The following RBMS1 variants were observed in gnomAD, a reference collection of about 807,000 sequenced individuals.
RBMS1 encodes the protein RNA binding motif single stranded interacting protein 1.
RBMS1 carries 17 observed loss-of-function variants against 62.3 expected under a neutral mutation model. The ratio of observed to expected loss-of-function variants is 0.27; its 90% CI spans 0.19 to 0.41. The LOEUF (loss-of-function observed/expected upper bound fraction) is 0.41, where lower values mean the gene tolerates loss of function less well. Among genes scored for constraint, RBMS1 ranks in the 10% least tolerant of loss-of-function variants. The pLI, the probability that RBMS1 is intolerant of heterozygous loss-of-function variation, is 1.00. For synonymous variants in RBMS1, 172 were observed against 170.0 expected (o/e 1.01, Z -0.09); for missense variants, 334 against 504.5 (o/e 0.66, Z 3.24).
intron 1 of RBMS1, among the ~76,000 whole-genome samples, chr2:160,476,429 C>A (rs1336814044): frequency 6.6e-6 from 1 of 152,008 alleles, no homozygotes; most frequent in Non-Finnish European, 1.5e-5. Flanking sequence ...TCTGTCTGTG[C>A]CTCATATTCC....
At chr2:160,303,676 C>T (rs1689334871) in intron 4 of RBMS1, among the ~76,000 whole-genome samples, 189 bp from the exon 5 acceptor site, 1 of 152,200 alleles carries the variant, frequency 6.6e-6, no homozygotes, top group Admixed American at 6.5e-5. Flanking sequence ...GCAGGCCAGA[C>T]ACGATCCCAC....
intron 1 of RBMS1, among the ~76,000 whole-genome samples, chr2:160,461,819 GGA>G (rs986667751): frequency 4.6e-5 from 7 of 152,236 alleles, no homozygotes; most frequent in Admixed American, 3.3e-4. Flanking sequence ...ATCATAGCAA[GGA>G]GAGAGAGTTT....
intron 1 of RBMS1, among the ~76,000 whole-genome samples, chr2:160,486,338 T>C (rs1400821605): frequency 1.3e-5 from 2 of 152,158 alleles, no homozygotes; most frequent in Non-Finnish European, 2.9e-5. Context: ...CTATGATGTA[T>C]CCATCCAATT....
At chr2:160,281,166 G>A in intron 10 of RBMS1, 148 bp downstream of exon 10, 1 of 482,834 alleles carries the variant, frequency 2.1e-6, no homozygotes, top group Non-Finnish European at 3.6e-6. Flanking sequence ...AGGATGAGAA[G>A]AAGTTTTATA....
chr2:160,350,202 C>G (rs1267450962), intron 2 of RBMS1, among the ~76,000 whole-genome samples: 1 of 151,894 alleles, frequency 6.6e-6, no homozygotes, highest in Non-Finnish European at 1.5e-5. Flanking sequence ...CAGCAGCACT[C>G]CGAGGACCCT....
At chr2:160,406,442 G>C (rs1447334986) in intron 1 of RBMS1, among the ~76,000 whole-genome samples, 1 of 152,232 alleles carries the variant, frequency 6.6e-6, no homozygotes. Flanking sequence ...GAAGGCTACA[G>C]TTCGCTTGCA....
rs972573406 is a variant in RBMS1, at chr2:160,407,915, G to A, written c.76-40524C>T. On this transcript the variant is annotated intron_variant, in intron 1 of 13. Coordinates refer to ENST00000348849, the MANE Select transcript of RBMS1 (RefSeq NM_016836.4). The stretch of plus-strand genomic sequence containing the variant: ...TCAACCACCGCCCTGAGAGCGCGCC[G>A]GCCGGGGGCGGGGAGGCGGCAGCGC... 5 of 980,422 alleles carry A rather than the reference G, an allele frequency of 5.1e-6. No individual in the cohort carries two copies. The African/African-American group carries it at 8.8e-5, about 17-fold the overall frequency. 60.7% of individuals were successfully genotyped at this position (980,422 alleles called of 1,614,324 possible).
chr2:160,373,943 G>C lies in RBMS1; in HGVS notation c.76-6552C>G, dbSNP rs181712297. 2.6e-5 allele frequency among the ~76,000 whole-genome samples: 4 copies of C among 152,226 alleles called. No individual in the cohort carries two copies. The East Asian group carries it at 7.7e-4, about 29-fold the overall frequency. On this transcript the variant is annotated intron_variant, in intron 1 of 13. Coordinates refer to ENST00000348849, the MANE Select transcript of RBMS1 (RefSeq NM_016836.4). ...AAAGGTTGAGGAAGGCTTCACAGAGGGGGTGGATGGCTGAGTGAGCTGAAT... is the reference window on the plus strand; with the variant it reads ...AAAGGTTGAGGAAGGCTTCACAGAGCGGGTGGATGGCTGAGTGAGCTGAAT...
chr2:160,342,769 CAA>C (rs550170417), intron 2 of RBMS1, among the ~76,000 whole-genome samples: 57,682 of 117,294 alleles, frequency 0.49, 13,658 homozygotes, highest in Admixed American at 0.61. Flanking sequence ...ATACAAAATA[CAA>C]AAAAAAAAAA....
At chr2:160,469,412 T>A (rs369302614) in intron 1 of RBMS1, among the ~76,000 whole-genome samples, 1 of 152,168 alleles carries the variant, frequency 6.6e-6, no homozygotes, top group Admixed American at 6.5e-5. Flanking sequence ...CAGGCTTCCC[T>A]GGAGTCCGCC....
At chr2:160,488,151 A>G (rs747331479) in intron 1 of RBMS1, among the ~76,000 whole-genome samples, 22 of 152,212 alleles carry the variant, frequency 1.4e-4, no homozygotes, top group Non-Finnish European at 2.8e-4. Context: ...AACACACACC[A>G]TTTGTTCTAA....
intron 1 of RBMS1, among the ~76,000 whole-genome samples, chr2:160,459,275 G>A (rs1360670861): frequency 6.6e-6 from 1 of 152,078 alleles, no homozygotes; most frequent in Non-Finnish European, 1.5e-5. Flanking sequence ...GTGGCTTCCC[G>A]AGTACGTGAC....
At chr2:160,334,176 A>C (rs1368726638) in intron 2 of RBMS1, among the ~76,000 whole-genome samples, 1 of 152,192 alleles carries the variant, frequency 6.6e-6, no homozygotes, top group East Asian at 1.9e-4. Context: ...ACATTATGTA[A>C]GGAGATTTTG....
chr2:160,383,743 T>C lies in RBMS1; in HGVS notation c.76-16352A>G, dbSNP rs968634314. On this transcript the variant is annotated intron_variant, in intron 1 of 13. Coordinates refer to ENST00000348849, the MANE Select transcript of RBMS1 (RefSeq NM_016836.4). ...TAGCGAGCTATGTAATCAGAGCACA[T>C]ACAGAGAATTATTTTACAGAAGCAG... Among the ~76,000 whole-genome samples, 5 of 152,306 alleles carry C rather than the reference T, an allele frequency of 3.3e-5. 1 individual carries two copies. The highest frequency in any genetic ancestry group is 2.6e-4 in the Admixed American group (4 of 15,300).
At chr2:160,426,216 CAGAAGAAA>C (rs1682564095) in intron 1 of RBMS1, among the ~76,000 whole-genome samples, 1 of 65,330 alleles carries the variant, frequency 1.5e-5, no homozygotes, top group South Asian at 4.9e-4. Context: ...GAGAGAGAGA[CAGAAGAAA>C]GAAAGAAAGA....
rs768374411 is a variant in RBMS1, at chr2:160,322,963, AG to A, written c.252-4737del. Reference sequence around the variant, plus strand: ...CTCAGGGACTGGGATAAGGAGTGGGAGGGTTCACAGTAGTCATCATCTCTCT... The same window carrying A: ...CTCAGGGACTGGGATAAGGAGTGGGAGGTTCACAGTAGTCATCATCTCTCT... On this transcript the variant is annotated intron_variant, in intron 2 of 13. Transcript: ENST00000348849. 2.0e-5 allele frequency among the ~76,000 whole-genome samples: 3 copies of A among 152,232 alleles called. No individual in the cohort carries two copies. The South Asian group carries it at 6.2e-4, about 32-fold the overall frequency.
intron 1 of RBMS1, among the ~76,000 whole-genome samples, chr2:160,458,500 T>C (rs1237666286): frequency 6.6e-6 from 1 of 152,006 alleles, no homozygotes; most frequent in Non-Finnish European, 1.5e-5. Flanking sequence ...AAACACTAAC[T>C]AAAAGAAATT....
intron 2 of RBMS1, among the ~76,000 whole-genome samples, chr2:160,333,787 A>G (rs1691416366): frequency 6.6e-6 from 1 of 152,154 alleles, no homozygotes; most frequent in African/African-American, 2.4e-5. Context: ...GCTGAGCATA[A>G]AACAGAAGAA....
intron 5 of RBMS1, among the ~76,000 whole-genome samples, chr2:160,303,013 G>A (rs571138139): frequency 3.2e-4 from 48 of 152,198 alleles, no homozygotes; most frequent in Non-Finnish European, 6.5e-4. Context: ...TTGAATTTAG[G>A]AGACTGACTG....
Sources: gnomAD v4.1 joint callset for allele counts (sites outside exome capture counted in the v4.1 genomes callset) on GRCh38, gnomAD v4.1.1 for gene constraint, MANE v1.5 for transcripts, NCBI Gene and HGNC (gene_info 2026-07-23, HGNC 2026-07-21) for gene names.